Variants in SLC5A12 observed in about 807,000 individuals in gnomAD.
SLC5A12 encodes sodium-coupled monocarboxylate transporter 2.
SLC5A12 carries 46 observed loss-of-function variants against 72.7 expected under a neutral mutation model. That is an observed-to-expected ratio of 0.63 (90% CI 0.50 to 0.81). The LOEUF (loss-of-function observed/expected upper bound fraction) is 0.81. Among genes scored for constraint, SLC5A12 ranks in the 30% least tolerant of loss-of-function variants. The pLI, the probability that SLC5A12 is intolerant of heterozygous loss-of-function variation, is 0.00. For synonymous variants in SLC5A12, 275 were observed against 264.4 expected, an observed-to-expected ratio of 1.04 and a Z score of -0.39; for missense variants, 683 against 740.7, an observed-to-expected ratio of 0.92 and a Z score of 0.90.
chr11:26,701,841 C>G (rs1854965292), intron 6 of SLC5A12, among the ~76,000 whole-genome samples: 1 of 152,104 alleles, frequency 6.6e-6, no homozygotes, highest in South Asian at 2.1e-4. Flanking sequence ...TACACACAAG[C>G]ATGGCCTTCT....
At chr11:26,673,321 C>A (rs1326803557) in intron 14 of SLC5A12, 81 bp downstream of exon 14, 4 of 1,357,544 alleles carry the variant, frequency 2.9e-6, no homozygotes, top group Non-Finnish European at 2.9e-6. Context: ...TCCAGTGCAT[C>A]TTTGCAGCCG....
chr11:26,714,062 C>T (rs1033820289), intron 1 of SLC5A12, among the ~76,000 whole-genome samples: 1 of 151,334 alleles, frequency 6.6e-6, no homozygotes, highest in African/African-American at 2.4e-5. Flanking sequence ...ATTTTCTCAC[C>T]TCAAAATCCT....
intron 2 of SLC5A12, 79 bp downstream of exon 2, chr11:26,712,562 G>A (rs1406996983): frequency 5.6e-6 from 6 of 1,078,974 alleles, no homozygotes; most frequent in Admixed American, 4.1e-5. Context: ...CTTTAGCTGA[G>A]TTTATTGCCC....
chr11:26,685,662 A>C (rs1321089345), intron 10 of SLC5A12, among the ~76,000 whole-genome samples: 2 of 152,012 alleles, frequency 1.3e-5, no homozygotes, highest in African/African-American at 4.8e-5. Context: ...AACGGGACTG[A>C]GAGAATCGGA....
rs945463995 is a variant in SLC5A12, at chr11:26,692,494, C to A, written c.1148G>T (p.Gly383Val). ...AGTCCACCAGCTGTACCTACATAAG[C>A]CTTTACTGATCCAGGTGCTCAGCTT... ...SDKLSTWISK[G>V]LCLLFGVMCT... Residue 383 changes from glycine (G) to valine (V), a missense_variant, in exon 9 of 15, where the codon GGC (glycine) becomes GTC (valine). Transcript: ENST00000396005. 1.9e-6 allele frequency: 3 copies of A among 1,606,722 alleles called. No homozygotes were observed. The highest frequency in any genetic ancestry group is 2.2e-5 in the South Asian group (2 of 90,938).
At chr11:26,709,648 A>T (rs1198297381) in intron 3 of SLC5A12, among the ~76,000 whole-genome samples, 1 of 151,986 alleles carries the variant, frequency 6.6e-6, no homozygotes, top group Admixed American at 6.6e-5. Flanking sequence ...TTTGATCCAA[A>T]TGTTTTGTTT....
chr11:26,676,910 C>G (rs892418097), intron 13 of SLC5A12, among the ~76,000 whole-genome samples: 1 of 151,972 alleles, frequency 6.6e-6, no homozygotes, highest in Non-Finnish European at 1.5e-5. Flanking sequence ...GAAGACATCA[C>G]CTATTAAGAC....
intron 6 of SLC5A12, among the ~76,000 whole-genome samples, chr11:26,702,547 A>C (rs972920247): frequency 1.3e-5 from 2 of 152,164 alleles, no homozygotes; most frequent in African/African-American, 4.8e-5. Flanking sequence ...TTTTGGATGC[A>C]GTTCTGGCTT....
At chr11:26,709,465 T>C in intron 3 of SLC5A12, 86 bp from the exon 4 acceptor site, 2 of 1,003,148 alleles carry the variant, frequency 2.0e-6, no homozygotes, top group Non-Finnish European at 3.0e-6. Flanking sequence ...CACAATATTT[T>C]TATCAGTGTT....
upstream of SLC5A12, among the ~76,000 whole-genome samples, chr11:26,722,676 T>A (rs1855504020): frequency 6.6e-6 from 1 of 152,166 alleles, no homozygotes. Flanking sequence ...ACCCACAGGC[T>A]AAGTTAGAAT....
At chr11:26,700,036 C>T (rs1854921176) in intron 6 of SLC5A12, among the ~76,000 whole-genome samples, 1 of 152,138 alleles carries the variant, frequency 6.6e-6, no homozygotes, top group Non-Finnish European at 1.5e-5. Context: ...TCCTTAACAA[C>T]TGTGTGACTT....
chr11:26,689,204 T>A (rs1230029159), intron 9 of SLC5A12, among the ~76,000 whole-genome samples: 1 of 151,758 alleles, frequency 6.6e-6, no homozygotes, highest in East Asian at 1.9e-4. Flanking sequence ...GAGACCAGCC[T>A]GGCCAACATG....
intron 9 of SLC5A12, among the ~76,000 whole-genome samples, chr11:26,690,386 A>G (rs912668398): frequency 6.6e-6 from 1 of 152,144 alleles, no homozygotes; most frequent in Non-Finnish European, 1.5e-5. Context: ...GTAATTAAAG[A>G]AAATAAGTAT....
chr11:26,701,097 G>T (rs1303993062), intron 6 of SLC5A12, among the ~76,000 whole-genome samples: 1 of 152,106 alleles, frequency 6.6e-6, no homozygotes, highest in Non-Finnish European at 1.5e-5. Flanking sequence ...GTGGCTTCCA[G>T]ATGCCCCTGA....
chr11:26,670,047 C>T lies in SLC5A12; in HGVS notation c.*1055G>A, dbSNP rs1854102740. The T allele has an allele frequency of 6.6e-6, 1 of 152,080 alleles. No individual in the cohort carries two copies. Among genetic ancestry groups the T allele is most frequent in the African/African-American group, 2.4e-5 (1 of 41,436 alleles). The allele number at this position is 152,080 out of a possible 1,614,324, so 9.4% of individuals were successfully genotyped here. A position where few individuals can be genotyped will look rare whatever the true frequency, so the allele number is the denominator to read the frequency against. On this transcript the variant is annotated 3_prime_UTR_variant, in exon 15 of 15. Coordinates refer to ENST00000396005, the MANE Select transcript of SLC5A12 (RefSeq NM_178498.4). Reference sequence around the variant, plus strand: ...AACTCGCCTTTTAATCTGCAATACCCTCATTCTCCAGAACTTTAAACATTA... The same window carrying T: ...AACTCGCCTTTTAATCTGCAATACCTTCATTCTCCAGAACTTTAAACATTA...
intron 3 of SLC5A12, among the ~76,000 whole-genome samples, chr11:26,711,038 T>C (rs1855214546): frequency 6.6e-6 from 1 of 152,066 alleles, no homozygotes; most frequent in South Asian, 2.1e-4. Flanking sequence ...ATTCCAATGA[T>C]TTAAAAATAA....
chr11:26,672,237 G>A (rs1854160420), intron 14 of SLC5A12, among the ~76,000 whole-genome samples: 1 of 152,092 alleles, frequency 6.6e-6, no homozygotes, highest in Admixed American at 6.6e-5. Flanking sequence ...TGATATACAT[G>A]CTATTCTGCT....
Position 26,678,758 on chromosome 11 carries a change from G to T in SLC5A12, c.1533C>A (p.Gly511=). Reference sequence around the variant, plus strand: ...CTCCAGCAACAATGCATCCTAAGCAGCCCACTGCACTGTAGTAAAGGTAGG... The same window carrying T: ...CTCCAGCAACAATGCATCCTAAGCATCCCACTGCACTGTAGTAAAGGTAGG... ...SISYLYYSAV[G]CLGCIVAGVI... The change falls in exon 13 of 15, where the codon GGC becomes GGA. Residue 511 remains glycine, a synonymous_variant. Coordinates refer to ENST00000396005, the MANE Select transcript of SLC5A12 (RefSeq NM_178498.4). The T allele has an allele frequency of 6.2e-7, 1 of 1,613,348 alleles. No individual in the cohort carries two copies. The highest frequency in any genetic ancestry group is 8.5e-7 in the Non-Finnish European group (1 of 1,179,588).
chr11:26,693,424 C>G (rs979568435), intron 8 of SLC5A12, among the ~76,000 whole-genome samples: 7 of 152,280 alleles, frequency 4.6e-5, no homozygotes, highest in African/African-American at 1.4e-4. Context: ...CAAATCGAAA[C>G]TGCATAAAAC....
Sources: allele counts gnomAD v4.1 joint callset (sites outside exome capture counted in the v4.1 genomes callset), GRCh38; gene constraint gnomAD v4.1.1; transcripts MANE v1.5; gene names NCBI Gene and HGNC (gene_info 2026-07-23, HGNC 2026-07-21).